The following ZMAT4 variants were observed in gnomAD, a reference collection of about 807,000 sequenced individuals.
ZMAT4 encodes the protein zinc finger matrin-type 4.
A neutral mutation model predicts 28.7 loss-of-function variants in ZMAT4; 17 were observed. The ratio of observed to expected loss-of-function variants is 0.59; its 90% CI spans 0.41 to 0.89. The LOEUF is 0.89. ZMAT4 is among the 40% of genes least tolerant of loss of function. The probability of loss-of-function intolerance (pLI) is 0.00; values close to 1 mark genes in which losing one functional copy is unlikely to be tolerated. For synonymous variants in ZMAT4, 117 were observed against 109.2 expected, an observed-to-expected ratio of 1.07 and a Z score of -0.44; for missense variants, 240 against 283.8, an observed-to-expected ratio of 0.85 and a Z score of 1.11.
At chr8:40,872,797 G>A (rs1484786766) in intron 1 of ZMAT4, among the ~76,000 whole-genome samples, 4 of 152,126 alleles carry the variant, frequency 2.6e-5, no homozygotes, top group Non-Finnish European at 4.4e-5. Context: ...GGGTGGAGGG[G>A]CCCAAAGGAG....
chr8:40,887,092 A>G (rs1309785503), intron 1 of ZMAT4, among the ~76,000 whole-genome samples: 1 of 147,318 alleles, frequency 6.8e-6, no homozygotes, highest in Non-Finnish European at 1.5e-5. Context: ...AATGGCGTGA[A>G]CCCAGGAGGC....
intron 6 of ZMAT4, among the ~76,000 whole-genome samples, chr8:40,558,862 C>G (rs907299316): frequency 1.3e-5 from 2 of 151,958 alleles, no homozygotes; most frequent in Non-Finnish European, 2.9e-5. Flanking sequence ...GTTTTAGACA[C>G]GACAGCCAAC....
intron 6 of ZMAT4, among the ~76,000 whole-genome samples, chr8:40,545,713 G>A (rs1293078056): frequency 6.6e-6 from 1 of 152,098 alleles, no homozygotes; most frequent in Non-Finnish European, 1.5e-5. Flanking sequence ...TTCAGAGGGA[G>A]CACAACCTTG....
intron 5 of ZMAT4, among the ~76,000 whole-genome samples, chr8:40,633,830 T>C (rs1806687593): frequency 6.6e-6 from 1 of 152,212 alleles, no homozygotes; most frequent in Admixed American, 6.5e-5. Flanking sequence ...CCACTACATC[T>C]GCAGGGGCAG....
chr8:40,686,776 T>C (rs182659561), intron 4 of ZMAT4, among the ~76,000 whole-genome samples: 2 of 152,280 alleles, frequency 1.3e-5, no homozygotes, highest in Admixed American at 1.3e-4. Flanking sequence ...ACAGTGAGAA[T>C]GTTTCCTAAA....
chr8:40,637,832 G>A (rs1251200749), intron 5 of ZMAT4, among the ~76,000 whole-genome samples: 1 of 152,110 alleles, frequency 6.6e-6, no homozygotes, highest in Non-Finnish European at 1.5e-5. Flanking sequence ...AGAGGTATTG[G>A]GAAGACTTTT....
chr8:40,635,878 G>C (rs999116977), intron 5 of ZMAT4, among the ~76,000 whole-genome samples: 1 of 152,146 alleles, frequency 6.6e-6, no homozygotes, highest in Non-Finnish European at 1.5e-5. Context: ...GCTTTTAAAA[G>C]TCAAACTGTA....
At chr8:40,766,606 A>G (rs1478566692) in intron 3 of ZMAT4, among the ~76,000 whole-genome samples, 2 of 152,232 alleles carry the variant, frequency 1.3e-5, no homozygotes, top group Non-Finnish European at 2.9e-5. Context: ...AAGGCAGTAA[A>G]GACAGATCTG....
In ZMAT4 at chr8:40,852,621, G is replaced by A. The variant is rs182288613; in HGVS notation, c.-4-26941C>T. Among the ~76,000 whole-genome samples the A allele has an allele frequency of 2.0e-3, 310 of 152,272 alleles. 3 individuals are homozygous for A. Among genetic ancestry groups the A allele is most frequent in the Non-Finnish European group, 5.9e-4 (40 of 68,026 alleles). On this transcript the variant is annotated intron_variant, in intron 1 of 6. Transcript: ENST00000297737. ...ACTTGACAAGGGATAGCTCCTTAAAGGTTACTTGCAATAGGCAATATGAAA... is the reference window on the plus strand; with the variant it reads ...ACTTGACAAGGGATAGCTCCTTAAAAGTTACTTGCAATAGGCAATATGAAA...
At chr8:40,740,087 T>C (rs758678075) in intron 3 of ZMAT4, among the ~76,000 whole-genome samples, 3 of 152,236 alleles carry the variant, frequency 2.0e-5, no homozygotes, top group South Asian at 2.1e-4. Context: ...CTATTGTAAA[T>C]AGTGCTGCAA....
chr8:40,896,429 C>T (rs1219562326), intron 1 of ZMAT4, among the ~76,000 whole-genome samples: 2 of 152,180 alleles, frequency 1.3e-5, no homozygotes, highest in Non-Finnish European at 2.9e-5. Context: ...CCCAGACTAT[C>T]AGCTTCAGAG....
intron 1 of ZMAT4, among the ~76,000 whole-genome samples, chr8:40,847,571 C>G (rs563666316): frequency 6.6e-6 from 1 of 152,178 alleles, no homozygotes; most frequent in Non-Finnish European, 1.5e-5. Flanking sequence ...GGGAAATTTC[C>G]GCTTCTTCCT....
intron 2 of ZMAT4, among the ~76,000 whole-genome samples, chr8:40,801,971 A>G (rs1275622035): frequency 6.6e-6 from 1 of 152,230 alleles, no homozygotes; most frequent in East Asian, 1.9e-4. Flanking sequence ...TAAAGAGAAA[A>G]AAAAATCGCA....
chr8:40,643,789 CAAA>C (rs11416412), intron 5 of ZMAT4, among the ~76,000 whole-genome samples: 3 of 137,634 alleles, frequency 2.2e-5, no homozygotes, highest in Non-Finnish European at 1.5e-5. Context: ...TGTGTGTGTG[CAAA>C]AAAAAAAAAA....
At chr8:40,856,560 A>G (rs1817306175) in intron 1 of ZMAT4, among the ~76,000 whole-genome samples, 1 of 152,242 alleles carries the variant, frequency 6.6e-6, no homozygotes, top group South Asian at 2.1e-4. Flanking sequence ...TGGGCACTGC[A>G]GAATCAAAGG....
chr8:40,863,095 G>A (rs1817562394), intron 1 of ZMAT4, among the ~76,000 whole-genome samples: 2 of 152,166 alleles, frequency 1.3e-5, no homozygotes, highest in Non-Finnish European at 2.9e-5. Flanking sequence ...TGAGGGTGAG[G>A]AGAGTGGCAA....
intron 1 of ZMAT4, among the ~76,000 whole-genome samples, chr8:40,876,447 CA>C (rs1191170999): frequency 1.3e-5 from 2 of 151,890 alleles, no homozygotes; most frequent in East Asian, 3.9e-4. Flanking sequence ...CCAGTAGATG[CA>C]ACTATAGGCA....
chr8:40,795,120 C>T (rs1814533168), intron 2 of ZMAT4, among the ~76,000 whole-genome samples: 1 of 152,136 alleles, frequency 6.6e-6, no homozygotes, highest in Non-Finnish European at 1.5e-5. Flanking sequence ...GTATAACTCC[C>T]CAGACCCTAG....
chr8:40,811,996 T>TGGTGC (rs148603516), intron 2 of ZMAT4, among the ~76,000 whole-genome samples: 4,692 of 152,076 alleles, frequency 0.031, 232 homozygotes, highest in East Asian at 0.21. Context: ...CCAGGCGTGG[T>TGGTGC]GGTGCGCACC....
Sources: gnomAD v4.1 joint callset for allele counts (sites outside exome capture counted in the v4.1 genomes callset) on GRCh38, gnomAD v4.1.1 for gene constraint, MANE v1.5 for transcripts, NCBI Gene and HGNC (gene_info 2026-07-23, HGNC 2026-07-21) for gene names.